The following WDR27 variants were observed in gnomAD, a reference collection of about 807,000 sequenced individuals.
WDR27 encodes WD repeat domain 27, also known as WD repeat-containing protein 27.
In WDR27, 100 loss-of-function variants were observed where a neutral mutation model predicts 114.4. The ratio of observed to expected loss-of-function variants is 0.87; its 90% CI spans 0.74 to 1.03. The LOEUF is 1.03. Ranked by LOEUF, WDR27 falls within the 50% of genes least tolerant of loss-of-function variation. The pLI is 0.00. For synonymous variants in WDR27, 449 were observed against 423.1 expected, an observed-to-expected ratio of 1.06 and a Z score of -0.75; for missense variants, 1,129 against 1,092.9, an observed-to-expected ratio of 1.03 and a Z score of -0.47.
intron 25 of WDR27, among the ~76,000 whole-genome samples, chr6:169,540,437 T>C (rs1796694258): frequency 6.6e-6 from 1 of 152,086 alleles, no homozygotes; most frequent in Non-Finnish European, 1.5e-5. Context: ...GAATCTTTTT[T>C]TTTTTTTCTT....
chr6:169,665,871 G>A (rs7750206), intron 6 of WDR27, among the ~76,000 whole-genome samples: 12,938 of 152,198 alleles, frequency 0.085, 772 homozygotes, highest in East Asian at 0.19. Context: ...CTTAAACCAC[G>A]GCCCAGCTCC....
intron 2 of WDR27, among the ~76,000 whole-genome samples, chr6:169,688,069 T>C (rs934517486): frequency 2.6e-5 from 4 of 152,164 alleles, no homozygotes; most frequent in African/African-American, 9.7e-5. Context: ...TATCATTCTA[T>C]AATAAAAAAG....
intron 22 of WDR27, among the ~76,000 whole-genome samples, chr6:169,612,236 G>A (rs530575695): frequency 1.2e-3 from 182 of 151,786 alleles, no homozygotes; most frequent in African/African-American, 4.0e-3. Context: ...TCGAGACCAC[G>A]GTGAGACCCC....
intron 25 of WDR27, among the ~76,000 whole-genome samples, chr6:169,571,794 C>G (rs1057101687): frequency 1.1e-3 from 172 of 152,312 alleles, no homozygotes; most frequent in Non-Finnish European, 2.2e-3. Flanking sequence ...GCCGTGATCA[C>G]ACCACTGGAC....
downstream of WDR27, among the ~76,000 whole-genome samples, chr6:169,455,610 G>C (rs953341113): frequency 4.6e-5 from 7 of 152,218 alleles, no homozygotes; most frequent in Non-Finnish European, 1.0e-4. Context: ...GAGCACTGCT[G>C]ATCGGAACCA....
chr6:169,431,985 T>C, the WDR27 span, among the ~76,000 whole-genome samples: 1 of 152,214 alleles, frequency 6.6e-6, no homozygotes, highest in African/African-American at 2.4e-5. Flanking sequence ...TCAGGGCATT[T>C]TCCTCCACTT....
intron 21 of WDR27, among the ~76,000 whole-genome samples, chr6:169,613,935 A>G (rs1811211510): frequency 6.6e-6 from 1 of 152,236 alleles, no homozygotes; most frequent in South Asian, 2.1e-4. Flanking sequence ...CCAAGATAGT[A>G]ATACACCAAA....
At chr6:169,449,594 C>A in the WDR27 span, among the ~76,000 whole-genome samples, 5 of 152,204 alleles carry the variant, frequency 3.3e-5, no homozygotes, top group African/African-American at 1.2e-4. Context: ...CTTTCCCCTG[C>A]CTGCCCCAGC....
chr6:169,507,738 A>G (rs1208255067), intron 25 of WDR27, among the ~76,000 whole-genome samples: 1 of 152,200 alleles, frequency 6.6e-6, no homozygotes, highest in Non-Finnish European at 1.5e-5. Context: ...ACACTAAAGA[A>G]TATTTTTCAA....
At chr6:169,439,890 AT>A in the WDR27 span, among the ~76,000 whole-genome samples, 5 of 146,524 alleles carry the variant, frequency 3.4e-5, no homozygotes, top group Non-Finnish European at 7.5e-5. Context: ...TATATTACCA[AT>A]ATTATTATAT....
At chr6:169,657,346 G>A (rs910060219) in intron 13 of WDR27, among the ~76,000 whole-genome samples, 2 of 152,240 alleles carry the variant, frequency 1.3e-5, no homozygotes, top group South Asian at 2.1e-4. Context: ...CAAGGGCTGC[G>A]TGGGAGCATG....
intron 24 of WDR27, among the ~76,000 whole-genome samples, chr6:169,582,436 CA>C (rs1478679366): frequency 6.6e-6 from 1 of 152,092 alleles, no homozygotes; most frequent in Non-Finnish European, 1.5e-5. Flanking sequence ...TAAGAATTTT[CA>C]AAATCCCGTT....
intron 16 of WDR27, among the ~76,000 whole-genome samples, chr6:169,647,278 C>T (rs1391896103): frequency 6.6e-6 from 1 of 152,216 alleles, no homozygotes; most frequent in Non-Finnish European, 1.5e-5. Flanking sequence ...CACACTCAGC[C>T]CTGCAGGAAA....
Position 169,636,440 on chromosome 6 carries a change from A to T in WDR27, c.1934T>A (p.Leu645Ter), listed in dbSNP as rs1344601393. 1 of 1,613,856 alleles carries T rather than the reference A, an allele frequency of 6.2e-7. No individual in the cohort carries two copies. The highest frequency in any genetic ancestry group is 8.5e-7 in the Non-Finnish European group (1 of 1,179,868). Residue 645 changes from leucine to a stop codon, truncating the protein, a stop_gained, in exon 19 of 26, where the codon TTG (leucine) becomes TAG (stop). Coordinates refer to ENST00000448612, the MANE Select transcript of WDR27 (RefSeq NM_182552.5). LOFTEE classifies it high-confidence loss of function. ...AQFYYIDAFI[L>*]LSSGPEFQLL... is the part of the protein sequence containing the mutation. The stretch of plus-strand genomic sequence containing the variant: ...CTGAAATTCAGGGCCAGAAGATAAC[A>T]ATATAAAGGCATCTATATAATAGAA...
At chr6:169,472,784 T>C (rs1360396507) in intron 25 of WDR27, among the ~76,000 whole-genome samples, 1 of 152,182 alleles carries the variant, frequency 6.6e-6, no homozygotes, top group Non-Finnish European at 1.5e-5. Flanking sequence ...AAAAAACATA[T>C]CTGATTTCAT....
chr6:169,676,422 T>A (rs1780077904), intron 2 of WDR27, among the ~76,000 whole-genome samples: 1 of 152,220 alleles, frequency 6.6e-6, no homozygotes, highest in Non-Finnish European at 1.5e-5. Context: ...GGAATTAAAA[T>A]ATGTTAACTC....
chr6:169,646,435 T>C (rs928577047), intron 16 of WDR27, among the ~76,000 whole-genome samples: 1 of 152,136 alleles, frequency 6.6e-6, no homozygotes, highest in Non-Finnish European at 1.5e-5. Context: ...TTGAAACATT[T>C]TCCAAAAACA....
At chr6:169,669,106 AT>A (rs1279005551) in intron 4 of WDR27, among the ~76,000 whole-genome samples, 2 of 152,228 alleles carry the variant, frequency 1.3e-5, no homozygotes, top group African/African-American at 4.8e-5. Context: ...ATCCTGAAAA[AT>A]ATTTAAGTTA....
At chr6:169,544,978 T>C (rs554929179) in intron 25 of WDR27, among the ~76,000 whole-genome samples, 1 of 152,348 alleles carries the variant, frequency 6.6e-6, no homozygotes, top group East Asian at 1.9e-4. Flanking sequence ...ATGTAAATTC[T>C]CCCCTAGATT....
Sources: allele counts gnomAD v4.1 joint callset (sites outside exome capture counted in the v4.1 genomes callset), GRCh38; gene constraint gnomAD v4.1.1; transcripts MANE v1.5; gene names NCBI Gene and HGNC (gene_info 2026-07-23, HGNC 2026-07-21).